Variants in TMEM232 observed in about 807,000 individuals in gnomAD.
TMEM232 encodes transmembrane protein 232.
In TMEM232, 80 loss-of-function variants were observed where a neutral mutation model predicts 78.8. That is an observed-to-expected ratio of 1.01 (90% CI 0.85 to 1.22). The LOEUF (loss-of-function observed/expected upper bound fraction) is 1.22. Ranked by LOEUF, TMEM232 falls within the 50% of genes most tolerant of loss-of-function variation. The probability of loss-of-function intolerance (pLI) is 0.00; values close to 1 mark genes in which losing one functional copy is unlikely to be tolerated. For missense variants in TMEM232, 881 were observed against 742.2 expected (o/e 1.19, Z -2.17); for synonymous variants, 297 against 254.3 (o/e 1.17, Z -1.60).
intron 10 of TMEM232, among the ~76,000 whole-genome samples, chr5:110,596,607 A>C (rs1465921268): frequency 6.6e-6 from 1 of 152,162 alleles, no homozygotes; most frequent in Non-Finnish European, 1.5e-5. Flanking sequence ...TTCATGCAAA[A>C]ATCCTCAGTA....
At chr5:110,537,122 GTCC>G (rs1233517082) in intron 11 of TMEM232, among the ~76,000 whole-genome samples, 1 of 151,930 alleles carries the variant, frequency 6.6e-6, no homozygotes, top group Non-Finnish European at 1.5e-5. Flanking sequence ...ACTATTCAAA[GTCC>G]TCCTCTCTTT....
intron 1 of TMEM232, among the ~76,000 whole-genome samples, chr5:110,669,885 T>G (rs975442170): frequency 2.6e-5 from 4 of 152,156 alleles, no homozygotes; most frequent in Non-Finnish European, 5.9e-5. Flanking sequence ...AAAAACCACA[T>G]GATTATCTCA....
intron 12 of TMEM232, among the ~76,000 whole-genome samples, chr5:110,446,787 TATTC>T: frequency 6.6e-6 from 1 of 152,286 alleles, no homozygotes; most frequent in South Asian, 2.1e-4. Context: ...GTCTGGAGAA[TATTC>T]ATTCTTTTGA....
chr5:110,499,055 A>AAAAT (rs1765923540), intron 12 of TMEM232, among the ~76,000 whole-genome samples: 1 of 152,198 alleles, frequency 6.6e-6, no homozygotes, highest in Non-Finnish European at 1.5e-5. Context: ...AATATAAAAT[A>AAAAT]AAATAGAGGT....
chr5:110,522,602 GT>G (rs374954227), intron 12 of TMEM232, among the ~76,000 whole-genome samples: 63 of 152,048 alleles, frequency 4.1e-4, no homozygotes, highest in Middle Eastern at 6.8e-3. Context: ...TCTAAATTTG[GT>G]GACAGTTTTT....
At chr5:110,645,433 A>G (rs2150034695) in intron 2 of TMEM232, among the ~76,000 whole-genome samples, 1 of 151,270 alleles carries the variant, frequency 6.6e-6, no homozygotes, top group East Asian at 1.9e-4. Flanking sequence ...ACAAAAATAA[A>G]TCAGTGTAAT....
chr5:110,689,616 A>G (rs1047206625), intron 1 of TMEM232, among the ~76,000 whole-genome samples: 3 of 152,200 alleles, frequency 2.0e-5, no homozygotes, highest in Non-Finnish European at 4.4e-5. Flanking sequence ...CTTTCTTCAC[A>G]GAATTAGGAG....
At chr5:110,469,014 G>A (rs181851161) in intron 12 of TMEM232, among the ~76,000 whole-genome samples, 33 of 152,154 alleles carry the variant, frequency 2.2e-4, no homozygotes, top group Non-Finnish European at 4.0e-4. Context: ...TCTCTCTGTG[G>A]GGAAAAAGTA....
rs10042160 is a variant in TMEM232, at chr5:110,495,100, T to A, written c.1703+33488A>T. Among the ~76,000 whole-genome samples the A allele has an allele frequency of 3.6e-3, 551 of 151,294 alleles. 3 individuals are homozygous for A. The highest frequency in any genetic ancestry group is 0.012 in the African/African-American group (515 of 41,432). ...TTAATTAAACTTCATAACTTCATTT[T>A]ATGTTGCACATATTTTTATATATTA... On this transcript the variant is annotated intron_variant, in intron 12 of 13. Coordinates refer to ENST00000455884, the MANE Select transcript of TMEM232 (RefSeq NM_001039763.4).
intron 12 of TMEM232, among the ~76,000 whole-genome samples, chr5:110,476,516 T>TA (rs1207627587): frequency 1.3e-5 from 2 of 152,028 alleles, no homozygotes; most frequent in Admixed American, 6.6e-5. Context: ...TGTTATGGTA[T>TA]CCCTAGCCAA....
At chr5:110,665,174 C>A (rs1256467316) in intron 2 of TMEM232, among the ~76,000 whole-genome samples, 7 of 152,150 alleles carry the variant, frequency 4.6e-5, no homozygotes, top group African/African-American at 1.4e-4. Flanking sequence ...TTAAAAATCA[C>A]ACACAATTTT....
At chr5:110,549,605 C>CA (rs1209595068) in intron 11 of TMEM232, among the ~76,000 whole-genome samples, 2,912 of 44,892 alleles carry the variant, frequency 0.065, 164 homozygotes, top group Non-Finnish European at 0.099. Flanking sequence ...GTCCCTGTCT[C>CA]AAAAAAAAAA....
intron 12 of TMEM232, among the ~76,000 whole-genome samples, chr5:110,444,337 C>G (rs935719887): frequency 1.3e-5 from 2 of 152,100 alleles, no homozygotes; most frequent in African/African-American, 4.8e-5. Flanking sequence ...ACTTTGCTCT[C>G]CACTGTGACA....
chr5:110,530,387 C>T (rs1285586958), intron 11 of TMEM232, among the ~76,000 whole-genome samples: 2 of 152,058 alleles, frequency 1.3e-5, no homozygotes, highest in Non-Finnish European at 2.9e-5. Context: ...TGGGTATATC[C>T]AAAAGAAAAT....
At chr5:110,706,571 T>C (rs1232785084) in intron 1 of TMEM232, among the ~76,000 whole-genome samples, 1 of 152,188 alleles carries the variant, frequency 6.6e-6, no homozygotes, top group East Asian at 1.9e-4. Flanking sequence ...CCATTTTGCC[T>C]CTTTCCTCTA....
chr5:110,472,685 TATA>T (rs1762812283), intron 12 of TMEM232, among the ~76,000 whole-genome samples: 1 of 151,844 alleles, frequency 6.6e-6, no homozygotes, highest in Admixed American at 6.6e-5. Context: ...ACTACAAAGC[TATA>T]ATAACAAAAA....
At chr5:110,634,922 T>C (rs1324066689) in intron 5 of TMEM232, among the ~76,000 whole-genome samples, 1 of 151,710 alleles carries the variant, frequency 6.6e-6, no homozygotes, top group Non-Finnish European at 1.5e-5. Context: ...TTTTTAAAGA[T>C]AAAATTGATC....
At chr5:110,611,664 C>T (rs1280408138) in intron 8 of TMEM232, among the ~76,000 whole-genome samples, 13 of 151,986 alleles carry the variant, frequency 8.6e-5, no homozygotes, top group Admixed American at 5.2e-4. Flanking sequence ...CTGCAGCTTC[C>T]GTATCACATA....
At chr5:110,617,476 T>C (rs1354255097) in intron 8 of TMEM232, among the ~76,000 whole-genome samples, 1 of 152,156 alleles carries the variant, frequency 6.6e-6, no homozygotes, top group Non-Finnish European at 1.5e-5. Context: ...GTTAATAAGC[T>C]TGACTTACTC....
Sources: gnomAD v4.1 joint callset for allele counts (sites outside exome capture counted in the v4.1 genomes callset) on GRCh38, gnomAD v4.1.1 for gene constraint, MANE v1.5 for transcripts, NCBI Gene and HGNC (gene_info 2026-07-23, HGNC 2026-07-21) for gene names.